NIT1: variants seen among roughly 807,000 people sequenced by gnomAD.
NIT1 encodes the protein nitrilase 1.
Under a neutral mutation model 36.8 loss-of-function variants are expected in NIT1, and 30 were observed. That is an observed-to-expected ratio of 0.82 (90% CI 0.61 to 1.11). The LOEUF (loss-of-function observed/expected upper bound fraction) is 1.11, where lower values mean the gene tolerates loss of function less well. Among genes scored for constraint, NIT1 ranks in the 50% least tolerant of loss-of-function variants. The pLI is 0.00. For missense variants in NIT1, 438 were observed against 410.6 expected, an observed-to-expected ratio of 1.07 and a Z score of -0.58; for synonymous variants, 151 against 155.6, an observed-to-expected ratio of 0.97 and a Z score of 0.22.
At position 161,118,839 on chromosome 1, in the gene NIT1, G is replaced by A. The variant is rs774173536; in HGVS notation, c.56G>A (p.Gly19Glu). The change falls in exon 2 of 7, where the codon GGA (glycine) becomes GAA (glutamate). Residue 19 changes from glycine to glutamate, a missense_variant. By Grantham distance (98) the Gly-to-Glu change is moderately conservative. Coordinates refer to ENST00000368009, the MANE Select transcript of NIT1 (RefSeq NM_005600.3). Reference sequence around the variant, plus strand: ...AGATTCCTGTCCCTTCTGTGTCCTGGACTCCGGATACCTCAACTCTCAGTA... The same window carrying A: ...AGATTCCTGTCCCTTCTGTGTCCTGAACTCCGGATACCTCAACTCTCAGTA... Reference protein sequence around the residue: ...PHRFLSLLCPGLRIPQLSVLC... With the variant: ...PHRFLSLLCPELRIPQLSVLC... 1 of 1,614,084 alleles carries A rather than the reference G, an allele frequency of 6.2e-7. No homozygotes were observed. The highest frequency in any genetic ancestry group is 1.3e-5 in the African/African-American group (1 of 75,008).
chr1:161,118,173 C>T lies in NIT1; in HGVS notation c.-4C>T, dbSNP rs200205031. ...ACCCTGCGAATGGTTTTGGCTATATCTTCATGTAGGACCTACTCCCTATCC... is the reference window on the plus strand; with the variant it reads ...ACCCTGCGAATGGTTTTGGCTATATTTTCATGTAGGACCTACTCCCTATCC... On this transcript the variant is annotated 5_prime_UTR_variant, in exon 1 of 7. Coordinates refer to ENST00000368009, the MANE Select transcript of NIT1 (RefSeq NM_005600.3). 37 of 1,614,100 alleles carry T rather than the reference C, an allele frequency of 2.3e-5. No homozygotes were observed. Among genetic ancestry groups the T allele is most frequent in the Non-Finnish European group, 2.9e-5 (34 of 1,179,956 alleles).
downstream of NIT1, chr1:161,121,850 CTA>C (rs1655528300): frequency 6.1e-6 from 2 of 327,370 alleles, no homozygotes; most frequent in Admixed American, 8.7e-5. Context: ...CTTACAAAGA[CTA>C]TGTGCTGTAG....
chr1:161,119,093 T>C, intron 2 of NIT1, 41 bp from the exon 3 acceptor site: 1 of 1,607,198 alleles, frequency 6.2e-7, no homozygotes, highest in South Asian at 1.1e-5. Context: ...TTTGCTTCCC[T>C]GTGCTATGAA....
In NIT1 at chr1:161,119,336, C is replaced by A. The variant is rs1393577716; in HGVS notation, c.301C>A (p.Leu101Met). ...IARDPAETLH[L>M]SEPLGGKLLE... ...ACGGGACCCTGCAGAGACGCTACAC[C>A]TGTCTGAACCACTGGGTGGGAAACT... Residue 101 changes from leucine to methionine, a missense_variant, in exon 3 of 7, where the codon CTG (leucine) becomes ATG (methionine). Coordinates refer to ENST00000368009, the MANE Select transcript of NIT1 (RefSeq NM_005600.3). 6.2e-7 allele frequency: 1 copy of A among 1,614,244 alleles called. No homozygotes were observed. The highest frequency in any genetic ancestry group is 8.5e-7 in the Non-Finnish European group (1 of 1,180,032).
At chr1:161,124,023 C>G, downstream of NIT1, 1 of 1,585,462 alleles carries the variant, frequency 6.3e-7, no homozygotes, top group Non-Finnish European at 8.6e-7. Flanking sequence ...GTGGGCCTCA[C>G]AACTTACTCT....
chr1:161,123,477 A>G (rs1470753558), downstream of NIT1, among the ~76,000 whole-genome samples: 9 of 152,116 alleles, frequency 5.9e-5, no homozygotes, highest in African/African-American at 2.2e-4. Flanking sequence ...GTCTCTAAAA[A>G]TACAAAAAAT....
In NIT1 at chr1:161,120,803, C is replaced by T; in HGVS notation, c.*38C>T. 1 of 1,585,696 alleles carries T rather than the reference C, an allele frequency of 6.3e-7. No homozygotes were observed. The highest frequency in any genetic ancestry group is 8.6e-7 in the Non-Finnish European group (1 of 1,167,194). On this transcript the variant is annotated 3_prime_UTR_variant, in exon 7 of 7. Coordinates refer to ENST00000368009, the MANE Select transcript of NIT1 (RefSeq NM_005600.3). ...GTGAGTTTAGACCTGCCCCTCCCAC[C>T]CCCACCCTGCCACTATGAGCTAGTG...
chr1:161,118,157 A>G lies in NIT1; in HGVS notation c.-20A>G, dbSNP rs1032748864. ...CCGCCCTCCGGATCGGACCCTGCGA[A>G]TGGTTTTGGCTATATCTTCATGTAG... On this transcript the variant is annotated 5_prime_UTR_variant, in exon 1 of 7. The change abolishes an upstream ATG in the 5' untranslated region. Transcript: ENST00000368009. 1.9e-6 allele frequency: 3 copies of G among 1,613,844 alleles called. No individual in the cohort carries two copies. The highest frequency in any genetic ancestry group is 2.7e-5 in the African/African-American group (2 of 74,928).
chr1:161,123,297 A>C, downstream of NIT1: 2 of 1,404,748 alleles, frequency 1.4e-6, no homozygotes, highest in South Asian at 1.2e-5. Flanking sequence ...GGAATGAGGA[A>C]GGAATCATTT....
chr1:161,124,334 G>C (rs752399756), downstream of NIT1: 7 of 1,614,240 alleles, frequency 4.3e-6, no homozygotes, highest in Non-Finnish European at 5.9e-6. Flanking sequence ...AAGAAAGCAC[G>C]CGCACATCTC....
downstream of NIT1, chr1:161,121,294 T>A (rs534390266): frequency 1.5e-4 from 85 of 566,562 alleles, no homozygotes; most frequent in Non-Finnish European, 1.9e-4. Flanking sequence ...TATGATGCCC[T>A]TTGCCCAAGC....
At chr1:161,124,507 CA>C (rs1219493835), downstream of NIT1, 1 of 1,565,030 alleles carries the variant, frequency 6.4e-7, no homozygotes, top group Admixed American at 1.7e-5. Flanking sequence ...CCCTGCTCAG[CA>C]GCTGCAATCC....
At position 161,119,401 on chromosome 1, in the gene NIT1, T is replaced by C. The variant is rs1399408683; in HGVS notation, c.353+13T>C. ...CCCAGCTTGCCAGGTATCAGGGAAA[T>C]AGCGAGGGAGAGGTAGAATCTTTGT... is the stretch of plus-strand genomic sequence containing the variant. On this transcript the variant is annotated intron_variant, in intron 3 of 6. Transcript: ENST00000368009. 1 of 1,613,180 alleles carries C rather than the reference T, an allele frequency of 6.2e-7. No individual in the cohort carries two copies. The highest frequency in any genetic ancestry group is 1.7e-5 in the Admixed American group (1 of 59,990).
downstream of NIT1, chr1:161,122,903 C>T: frequency 3.2e-6 from 4 of 1,239,448 alleles, no homozygotes; most frequent in Non-Finnish European, 1.2e-6. This position sits in a 1 kb window ranked among gnomAD's most constrained non-coding sequence, Gnocchi z 4.2. Flanking sequence ...ATGTACCCTG[C>T]CACAATCATA....
chr1:161,118,179 G>A lies in NIT1; in HGVS notation c.2+1G>A. ...CGAATGGTTTTGGCTATATCTTCAT[G>A]TAGGACCTACTCCCTATCCCGTCGG... On this transcript the variant is annotated splice_donor_variant, in intron 1 of 6. Coordinates refer to ENST00000368009, the MANE Select transcript of NIT1 (RefSeq NM_005600.3). LOFTEE classifies it high-confidence loss of function. The A allele has an allele frequency of 1.2e-6, 2 of 1,614,094 alleles. No individual in the cohort carries two copies. The highest frequency in any genetic ancestry group is 1.7e-6 in the Non-Finnish European group (2 of 1,179,960).
downstream of NIT1, among the ~76,000 whole-genome samples, chr1:161,122,736 A>G (rs1655653162): frequency 6.6e-6 from 1 of 152,184 alleles, no homozygotes; most frequent in Non-Finnish European, 1.5e-5. The surrounding 1 kb of genome is among the most constrained non-coding windows in gnomAD (Gnocchi z 4.2). Flanking sequence ...CGAGGTCAGC[A>G]CTGTTCCCAT....
At position 161,119,106 on chromosome 1, in the gene NIT1, C is replaced by A. The variant is rs111413504; in HGVS notation, c.99-28C>A. On this transcript the variant is annotated intron_variant, in intron 2 of 6. Transcript: ENST00000368009. ...AATTTGCTTCCCTGTGCTATGAAAT[C>A]TGAGAATCCTGCCTATGCTGTTCAC... The A allele has an allele frequency of 1.1e-3, 1,750 of 1,608,894 alleles. 21 individuals carry two copies. The African/African-American group carries it at 0.02, about 18-fold the overall frequency.
intron 6 of NIT1, 92 bp downstream of exon 6, chr1:161,120,324 C>G: frequency 2.0e-6 from 3 of 1,514,508 alleles, no homozygotes; most frequent in Non-Finnish European, 2.7e-6. Context: ...CCCTTTCCAC[C>G]TAATGGGAAA....
Position 161,120,283 on chromosome 1 carries a change from C to A in NIT1, c.717+51C>A, listed in dbSNP as rs1378142803. 2.5e-6 allele frequency: 4 copies of A among 1,597,086 alleles called. No individual in the cohort carries two copies. The South Asian group carries it at 3.3e-5, about 13-fold the overall frequency. On this transcript the variant is annotated intron_variant, in intron 6 of 6. Coordinates refer to ENST00000368009, the MANE Select transcript of NIT1 (RefSeq NM_005600.3). Reference sequence around the variant, plus strand: ...AAGGGCCTTTTCTTAACCTCATCTTCCCCCCTTGGCCCTACCAGTTAAATT... The same window carrying A: ...AAGGGCCTTTTCTTAACCTCATCTTACCCCCTTGGCCCTACCAGTTAAATT...
Sources: gnomAD v4.1 joint callset for allele counts (sites outside exome capture counted in the v4.1 genomes callset) on GRCh38, gnomAD v4.1.1 for gene constraint, Gnocchi (gnomAD v3.1) non-coding constraint, MANE v1.5 for transcripts, NCBI Gene and HGNC (gene_info 2026-07-23, HGNC 2026-07-21) for gene names.